The following SLBP variants were observed in gnomAD, a reference collection of about 807,000 sequenced individuals.
SLBP encodes stem-loop histone mRNA binding protein.
SLBP carries 29 observed loss-of-function variants against 39.2 expected under a neutral mutation model. That is an observed-to-expected ratio of 0.74 (90% CI 0.55 to 1.01). The LOEUF (loss-of-function observed/expected upper bound fraction) is 1.01. SLBP is among the 50% of genes least tolerant of loss of function. The pLI is 0.00. For synonymous variants in SLBP, 129 were observed against 118.7 expected, an observed-to-expected ratio of 1.09 and a Z score of -0.57; for missense variants, 390 against 350.2, an observed-to-expected ratio of 1.11 and a Z score of -0.91.
chr4:1,696,346 AG>A lies in SLBP; in HGVS notation c.484del (p.Leu162PhefsTer52), dbSNP rs1464852411. 1 of 1,572,704 alleles carries A rather than the reference AG, an allele frequency of 6.4e-7. No homozygotes were observed. Among genetic ancestry groups the A allele is most frequent in the Admixed American group, 1.9e-5 (1 of 52,872 alleles). On this transcript the variant is annotated frameshift_variant, in exon 6 of 8. Coordinates refer to ENST00000489418, the MANE Select transcript of SLBP (RefSeq NM_006527.4). LOFTEE classifies it high-confidence loss of function. ...DRYIKEVPRH[L>X]RQPGIHPKTP... ...CTTGGGATGAATGCCAGGTTGTCGA[AG>A]GTGTCTACAGGAGAAAGATTATTCT... is the stretch of plus-strand genomic sequence containing the variant.
intron 6 of SLBP, among the ~76,000 whole-genome samples, chr4:1,695,996 A>T (rs1220431270): frequency 6.6e-6 from 1 of 152,208 alleles, no homozygotes; most frequent in Admixed American, 6.5e-5. Context: ...GCTTGAAAAA[A>T]TAAATTCAAT....
At chr4:1,699,838 G>C (rs895886998) in intron 4 of SLBP, 137 bp from the exon 5 acceptor site, 2 of 882,118 alleles carry the variant, frequency 2.3e-6, no homozygotes, top group African/African-American at 3.4e-5. Flanking sequence ...TAAATAGTCC[G>C]GAGACTGCAT....
rs373217628 is a variant in SLBP at position 1,710,850 on chromosome 4, C to G, written c.176+1024G>C. 2.8e-3 allele frequency among the ~76,000 whole-genome samples: 418 copies of G among 150,736 alleles called. 1 individual carries two copies. Among genetic ancestry groups the G allele is most frequent in the Middle Eastern group, 0.01 (3 of 286 alleles). ...GGATCACTTGAGGTCAGGAGTTCGA[C>G]ACCAGTCTGGTCAACATGGTGAAAC... On this transcript the variant is annotated intron_variant, in intron 2 of 7. Coordinates refer to ENST00000489418, the MANE Select transcript of SLBP (RefSeq NM_006527.4).
intron 2 of SLBP, among the ~76,000 whole-genome samples, chr4:1,711,546 C>T (rs1029107265): frequency 1.3e-5 from 2 of 152,254 alleles, no homozygotes; most frequent in African/African-American, 4.8e-5. Flanking sequence ...CTCCTCGGGA[C>T]TCGGGTGTCC....
chr4:1,700,949 G>A (rs1400472541), intron 3 of SLBP, among the ~76,000 whole-genome samples: 3 of 151,980 alleles, frequency 2.0e-5, no homozygotes, highest in Non-Finnish European at 4.4e-5. Context: ...GAGGTGTTCA[G>A]TGCAGTTTGG....
chr4:1,696,204 T>G lies in SLBP; in HGVS notation c.627A>C (p.Glu209Asp). Residue 209 changes from glutamate (E) to aspartate (D), a missense_variant and splice_region_variant, in exon 6 of 8, where the codon GAA becomes GAC. Coordinates refer to ENST00000489418, the MANE Select transcript of SLBP (RefSeq NM_006527.4). ...ACAAGAATGCAATAAAGACATACAT[T>G]TCTTGCAAATCACATCCTTCTTCCG... Reference protein sequence around the residue: ...PPAEEGCDLQEIHPVDLESAE... With the variant: ...PPAEEGCDLQDIHPVDLESAE... 1 of 1,588,676 alleles carries G rather than the reference T, an allele frequency of 6.3e-7. No individual in the cohort carries two copies. The highest frequency in any genetic ancestry group is 1.4e-5 in the African/African-American group (1 of 73,346).
chr4:1,703,234 CAAAAAAA>C (rs56203431), intron 3 of SLBP, among the ~76,000 whole-genome samples: 73 of 47,098 alleles, frequency 1.5e-3, no homozygotes, highest in African/African-American at 2.9e-3. Context: ...GAGACTGTCT[CAAAAAAA>C]AAAAAAAAAA....
chr4:1,712,178 C>A lies in SLBP; in HGVS notation c.11G>T (p.Arg4Leu). MAC[R>L]PRSPPRHQSR... Reference sequence around the variant, plus strand: ...CTGATGCCTCGGCGGGCTTCGCGGGCGGCAGGCCATGGCAGCACGGGCCGG... The same window carrying A: ...CTGATGCCTCGGCGGGCTTCGCGGGAGGCAGGCCATGGCAGCACGGGCCGG... The change falls in exon 1 of 8, where the codon CGC becomes CTC. Residue 4 changes from arginine to leucine, a missense_variant. Transcript: ENST00000489418. The A allele has an allele frequency of 1.6e-6, 2 of 1,238,290 alleles. No homozygotes were observed. Among genetic ancestry groups the A allele is most frequent in the Non-Finnish European group, 2.0e-6 (2 of 995,030 alleles). The allele number at this position is 1,238,290 out of a possible 1,614,324, so 76.7% of individuals were successfully genotyped here. A position where few individuals can be genotyped will look rare whatever the true frequency, so the allele number is the denominator to read the frequency against.
In SLBP at chr4:1,695,650, G is replaced by A. The variant is rs566461426; in HGVS notation, c.629+552C>T. ...ACAAAAAATAGCTGGGCGTGGTGGCGCGTGCCTGTAATCCCAGCTACTCAG... is the reference window on the plus strand; with the variant it reads ...ACAAAAAATAGCTGGGCGTGGTGGCACGTGCCTGTAATCCCAGCTACTCAG... On this transcript the variant is annotated intron_variant, in intron 6 of 7. Coordinates refer to ENST00000489418, the MANE Select transcript of SLBP (RefSeq NM_006527.4). Among the ~76,000 whole-genome samples, 49 of 151,984 alleles carry A rather than the reference G, an allele frequency of 3.2e-4. 1 individual carries two copies. The highest frequency in any genetic ancestry group is 2.4e-3 in the Admixed American group (37 of 15,252).
chr4:1,698,445 T>G (rs1279972444), intron 5 of SLBP, among the ~76,000 whole-genome samples: 1 of 150,710 alleles, frequency 6.6e-6, no homozygotes, highest in Non-Finnish European at 1.5e-5. Flanking sequence ...AATCTTACTA[T>G]TCCTTTGCCA....
intron 2 of SLBP, among the ~76,000 whole-genome samples, chr4:1,706,094 G>C (rs565611079): frequency 1.2e-4 from 19 of 152,264 alleles, no homozygotes; most frequent in African/African-American, 3.9e-4. Flanking sequence ...AGACCAGCCT[G>C]GCTAACATGG....
At chr4:1,700,214 GTTCAGT>G (rs1167188490) in intron 3 of SLBP, 144 bp from the exon 4 acceptor site, 2 of 436,676 alleles carry the variant, frequency 4.6e-6, no homozygotes, top group South Asian at 1.2e-4. Context: ...TCTTTGTCAG[GTTCAGT>G]TTAAGTAGTG....
chr4:1,699,076 G>A (rs1716230483), intron 5 of SLBP, among the ~76,000 whole-genome samples: 1 of 152,136 alleles, frequency 6.6e-6, no homozygotes, highest in Admixed American at 6.5e-5. Context: ...ATTGCACCTG[G>A]CCCAGAAATG....
intron 3 of SLBP, 38 bp from the exon 4 acceptor site, chr4:1,700,108 TATAAAA>T: frequency 1.3e-6 from 2 of 1,482,944 alleles, no homozygotes; most frequent in Non-Finnish European, 1.9e-6. Context: ...TTAAAAAAGA[TATAAAA>T]ATAAAGCAGC....
At chr4:1,698,546 G>A (rs1374967674) in intron 5 of SLBP, among the ~76,000 whole-genome samples, 5 of 151,210 alleles carry the variant, frequency 3.3e-5, no homozygotes, top group Non-Finnish European at 7.4e-5. Flanking sequence ...GTGCAGTGGT[G>A]CAATCTCGGC....
At chr4:1,703,185 C>T (rs573166325) in intron 3 of SLBP, among the ~76,000 whole-genome samples, 26 of 149,498 alleles carry the variant, frequency 1.7e-4, no homozygotes, top group Admixed American at 4.0e-4. Context: ...TGCAGTGAGC[C>T]GAGATCTTGT....
chr4:1,707,174 G>A (rs540095169), intron 2 of SLBP, among the ~76,000 whole-genome samples: 2 of 128,344 alleles, frequency 1.6e-5, no homozygotes, highest in African/African-American at 6.0e-5. Flanking sequence ...AGCCGAGATT[G>A]CGCCACTGCA....
In SLBP at chr4:1,700,075, G is replaced by C. The variant is rs1716268050; in HGVS notation, c.282-5C>G. On this transcript the variant is annotated splice_region_variant and splice_polypyrimidine_tract_variant and intron_variant, in intron 3 of 7. Transcript: ENST00000489418. Reference sequence around the variant, plus strand: ...ATGAGGAGTTTCCTTTTATATCTGAGGGCAAAATAAATATTGCTGTTTTTA... The same window carrying C: ...ATGAGGAGTTTCCTTTTATATCTGACGGCAAAATAAATATTGCTGTTTTTA... The C allele has an allele frequency of 6.3e-7, 1 of 1,582,070 alleles. No individual in the cohort carries two copies. Among genetic ancestry groups the C allele is most frequent in the Admixed American group, 1.7e-5 (1 of 58,056 alleles).
Position 1,696,578 on chromosome 4 carries a change from T to TA in SLBP, c.480-228dup, listed in dbSNP as rs999343638. 1.6e-4 allele frequency among the ~76,000 whole-genome samples: 24 copies of TA among 151,134 alleles called. No individual in the cohort carries two copies. The Middle Eastern group carries it at 0.01, about 65-fold the overall frequency. On this transcript the variant is annotated intron_variant, in intron 5 of 7. Coordinates refer to ENST00000489418, the MANE Select transcript of SLBP (RefSeq NM_006527.4). ...AACACAGTGAGACCTCGTCTCTATT[T>TA]AAAAAAAACAACAAAACAGAACAAA...
Sources: allele counts gnomAD v4.1 joint callset (sites outside exome capture counted in the v4.1 genomes callset), GRCh38; gene constraint gnomAD v4.1.1; transcripts MANE v1.5; gene names NCBI Gene and HGNC (gene_info 2026-07-23, HGNC 2026-07-21).